MICU1: variants seen among roughly 807,000 people sequenced by gnomAD.
The protein encoded by MICU1 is mitochondrial calcium uptake 1.
In MICU1, 45 loss-of-function variants were observed where a neutral mutation model predicts 56.8. The observed-to-expected ratio is 0.79, with a 90% CI of 0.62 to 1.02. MICU1 has a LOEUF of 1.02. Among genes scored for constraint, MICU1 ranks in the 50% least tolerant of loss-of-function variants. MICU1 has a pLI of 0.00. For synonymous variants in MICU1, 186 were observed against 195.1 expected, an observed-to-expected ratio of 0.95 and a Z score of 0.39; for missense variants, 504 against 587.1, an observed-to-expected ratio of 0.86 and a Z score of 1.46.
intron 6 of MICU1, among the ~76,000 whole-genome samples, chr10:72,500,247 TAC>T (rs1866978543): frequency 1.8e-5 from 1 of 56,188 alleles, no homozygotes; most frequent in African/African-American, 9.2e-5. Context: ...AACTATTATA[TAC>T]ATACATACAT....
chr10:72,484,952 ATTTG>A lies in MICU1; in HGVS notation c.653-7700_653-7697del, dbSNP rs1462270413. Among the ~76,000 whole-genome samples, 5 of 152,296 alleles carry A rather than the reference ATTTG, an allele frequency of 3.3e-5. No individual in the cohort carries two copies. In the East Asian group the frequency reaches 5.8e-4, roughly 18 times the overall value. ...ATGGTTGGTAACCTGCTAGCTAGCTATTTGTTTATGTATTGTCTATAGCTGCCTT... is the reference window on the plus strand; with the variant it reads ...ATGGTTGGTAACCTGCTAGCTAGCTATTTATGTATTGTCTATAGCTGCCTT... On this transcript the variant is annotated intron_variant, in intron 6 of 11. Coordinates refer to ENST00000361114, the MANE Select transcript of MICU1 (RefSeq NM_001195518.2).
intron 6 of MICU1, among the ~76,000 whole-genome samples, chr10:72,500,916 A>G (rs995084832): frequency 6.6e-6 from 1 of 152,202 alleles, no homozygotes; most frequent in Non-Finnish European, 1.5e-5. Flanking sequence ...TCTGTGTATA[A>G]AATTTAAGAC....
chr10:72,570,415 T>C (rs986428006), intron 1 of MICU1, among the ~76,000 whole-genome samples: 1 of 152,258 alleles, frequency 6.6e-6, no homozygotes, highest in Non-Finnish European at 1.5e-5. Context: ...TTAACCATTT[T>C]ACTTTCACAT....
chr10:72,408,142 T>C, intron 9 of MICU1, 105 bp from the exon 10 acceptor site: 1 of 670,480 alleles, frequency 1.5e-6, no homozygotes, highest in Non-Finnish European at 2.6e-6. Flanking sequence ...CATGCTCATG[T>C]CTAGAACAGA....
chr10:72,442,961 T>C (rs1364065209), intron 8 of MICU1, among the ~76,000 whole-genome samples: 1 of 152,172 alleles, frequency 6.6e-6, no homozygotes, highest in Non-Finnish European at 1.5e-5. Flanking sequence ...TTCGTCATGT[T>C]GGCCAGGCTG....
chr10:72,479,021 T>C (rs1296424974), intron 6 of MICU1, among the ~76,000 whole-genome samples: 1 of 152,212 alleles, frequency 6.6e-6, no homozygotes, highest in Non-Finnish European at 1.5e-5. Context: ...TGTCTGAATG[T>C]TACATTTTAC....
Position 72,403,629 on chromosome 10 carries a change from TTGTGTGTGTGTGTG to T in MICU1, c.1180+4286_1180+4299del, listed in dbSNP as rs60373032. Among the ~76,000 whole-genome samples the T allele has an allele frequency of 2.1e-4, 30 of 139,930 alleles. No homozygotes were observed. The South Asian group carries it at 3.4e-3, about 16-fold the overall frequency. The allele number at this position is 139,930 out of a possible 152,430, so 91.8% of individuals were successfully genotyped here. ...ATGTAAAAAATATTACATACCAAAATTGTGTGTGTGTGTGTGTGTGTGTGTGTGTGTGTGTGTGT... is the reference window on the plus strand; with the variant it reads ...ATGTAAAAAATATTACATACCAAAATTGTGTGTGTGTGTGTGTGTGTGTGT... On this transcript the variant is annotated intron_variant, in intron 10 of 11. Coordinates refer to ENST00000361114, the MANE Select transcript of MICU1 (RefSeq NM_001195518.2).
chr10:72,452,982 T>C (rs6480623), intron 8 of MICU1, among the ~76,000 whole-genome samples: 6,429 of 152,258 alleles, frequency 0.042, 440 homozygotes, highest in African/African-American at 0.15. Flanking sequence ...TGGAAGGATG[T>C]GTGTCCCATT....
intron 10 of MICU1, among the ~76,000 whole-genome samples, chr10:72,382,275 A>AT (rs1564837849): frequency 1.1e-4 from 12 of 112,258 alleles, no homozygotes; most frequent in African/African-American, 3.4e-4. Flanking sequence ...ACGTCCGGCT[A>AT]ATTTTTTTTT....
Position 72,623,702 on chromosome 10 carries a change from G to A in MICU1, c.-2+2308C>T, listed in dbSNP as rs536705969. Among the ~76,000 whole-genome samples, 5 of 152,200 alleles carry A rather than the reference G, an allele frequency of 3.3e-5. No homozygotes were observed. The South Asian group carries it at 1.0e-3, about 32-fold the overall frequency. The stretch of plus-strand genomic sequence containing the variant: ...CTAAAAATACAAAAATTAGCCAGAT[G>A]TGGTGCCGCGCCTGTAGTTCCAGCT... On this transcript the variant is annotated intron_variant, in intron 1 of 11. Transcript: ENST00000361114.
At chr10:72,424,253 C>T (rs1326391969) in intron 8 of MICU1, among the ~76,000 whole-genome samples, 3 of 152,096 alleles carry the variant, frequency 2.0e-5, no homozygotes, top group African/African-American at 7.2e-5. Flanking sequence ...AATGGGATTA[C>T]AGGTGCACAC....
intron 10 of MICU1, among the ~76,000 whole-genome samples, chr10:72,400,873 A>T (rs1256472163): frequency 1.5e-5 from 2 of 131,576 alleles, no homozygotes; most frequent in Admixed American, 1.4e-4. Context: ...TGCTACACAC[A>T]CACACACACA....
intron 8 of MICU1, among the ~76,000 whole-genome samples, chr10:72,461,235 G>A (rs1246797661): frequency 4.6e-5 from 7 of 152,170 alleles, no homozygotes; most frequent in African/African-American, 9.6e-5. Context: ...GGACAAACTT[G>A]ATGAGAAAGG....
At chr10:72,492,900 TG>T (rs1866710413) in intron 6 of MICU1, among the ~76,000 whole-genome samples, 1 of 152,038 alleles carries the variant, frequency 6.6e-6, no homozygotes, top group Non-Finnish European at 1.5e-5. Context: ...GTGGATCACT[TG>T]AGGTCAGGAG....
intron 8 of MICU1, among the ~76,000 whole-genome samples, chr10:72,468,200 C>T (rs1865850447): frequency 6.6e-6 from 1 of 151,908 alleles, no homozygotes; most frequent in East Asian, 1.9e-4. Context: ...CAAGATCATG[C>T]TACAGACTGG....
chr10:72,530,140 C>T (rs146527782), intron 5 of MICU1, among the ~76,000 whole-genome samples: 2 of 150,560 alleles, frequency 1.3e-5, no homozygotes, highest in Admixed American at 1.3e-4. Context: ...CCAGCCTGGC[C>T]AACATGGTAA....
chr10:72,609,222 A>G (rs989963566), intron 1 of MICU1, among the ~76,000 whole-genome samples: 3 of 152,202 alleles, frequency 2.0e-5, no homozygotes, highest in African/African-American at 7.2e-5. Context: ...AAGAGGGAAA[A>G]TGGGAATTTA....
intron 8 of MICU1, among the ~76,000 whole-genome samples, chr10:72,466,444 C>T (rs943163268): frequency 2.0e-5 from 3 of 152,154 alleles, no homozygotes; most frequent in African/African-American, 7.2e-5. Flanking sequence ...TACTCTTTAA[C>T]AAACTCTTCC....
intron 9 of MICU1, among the ~76,000 whole-genome samples, chr10:72,418,691 C>A (rs958411644): frequency 1.2e-4 from 18 of 152,154 alleles, no homozygotes; most frequent in Admixed American, 1.0e-3. Context: ...CACACAGAAA[C>A]TGATTAATGT....
Sources: gnomAD v4.1 joint callset for allele counts (sites outside exome capture counted in the v4.1 genomes callset) on GRCh38, gnomAD v4.1.1 for gene constraint, MANE v1.5 for transcripts, NCBI Gene and HGNC (gene_info 2026-07-23, HGNC 2026-07-21) for gene names.